Variants in NBAS observed in about 807,000 individuals in gnomAD.
NBAS encodes NAG/BC035112 fusion.
A neutral mutation model predicts 302.5 loss-of-function variants in NBAS; 219 were observed. The observed-to-expected ratio is 0.72, with a 90% CI of 0.65 to 0.81. The LOEUF (loss-of-function observed/expected upper bound fraction) is 0.81, where lower values mean the gene tolerates loss of function less well. NBAS is among the 30% of genes least tolerant of loss of function. The pLI is 0.00. For missense variants in NBAS, 2,932 were observed against 2,841.6 expected (o/e 1.03, Z -0.72); for synonymous variants, 1,118 against 1,021.6 (o/e 1.09, Z -1.80).
At chr2:15,443,158 C>A (rs1678527389) in intron 21 of NBAS, among the ~76,000 whole-genome samples, 2 of 152,076 alleles carry the variant, frequency 1.3e-5, no homozygotes, top group Admixed American at 1.3e-4. Flanking sequence ...TTTTACGAGG[C>A]CAGCATCATC....
chr2:14,852,393 CA>C, the NBAS span, among the ~76,000 whole-genome samples: 1 of 75,426 alleles, frequency 1.3e-5, no homozygotes, highest in Non-Finnish European at 2.4e-5. Context: ...AGGACCTCTT[CA>C]AGGAGAACTA....
the NBAS span, among the ~76,000 whole-genome samples, chr2:14,783,590 A>G: frequency 2.7e-5 from 4 of 149,946 alleles, no homozygotes; most frequent in South Asian, 2.1e-4. Context: ...TTGTCCTTGC[A>G]ATAGTTTACT....
chr2:15,520,851 A>T (rs1662635013), intron 9 of NBAS, among the ~76,000 whole-genome samples: 1 of 152,270 alleles, frequency 6.6e-6, no homozygotes. Flanking sequence ...CAAAGACATG[A>T]ATTTACCACT....
chr2:15,072,145 C>T, the NBAS span, among the ~76,000 whole-genome samples: 1 of 152,168 alleles, frequency 6.6e-6, no homozygotes, highest in Non-Finnish European at 1.5e-5. Flanking sequence ...GCAGATGAAA[C>T]CCCCTCTAGC....
the NBAS span, among the ~76,000 whole-genome samples, chr2:14,990,253 A>T: frequency 6.9e-6 from 1 of 144,300 alleles, no homozygotes; most frequent in Non-Finnish European, 1.5e-5. Flanking sequence ...TCCCTACTAA[A>T]ACTCCAAAAA....
At chr2:14,973,017 C>T in the NBAS span, among the ~76,000 whole-genome samples, 1 of 152,204 alleles carries the variant, frequency 6.6e-6, no homozygotes, top group African/African-American at 2.4e-5. Context: ...ACTGCCTTTT[C>T]CCACACCCTT....
At chr2:14,871,161 C>T in the NBAS span, among the ~76,000 whole-genome samples, 2 of 150,784 alleles carry the variant, frequency 1.3e-5, no homozygotes, top group East Asian at 3.9e-4. Flanking sequence ...TGAGGCAACA[C>T]CAAGAGGCCT....
At chr2:15,165,023 C>T (rs1663980383), downstream of NBAS, among the ~76,000 whole-genome samples, 1 of 152,192 alleles carries the variant, frequency 6.6e-6, no homozygotes, top group Admixed American at 6.5e-5. Flanking sequence ...GCCCTCTGGG[C>T]CTCAGTCTAC....
intron 33 of NBAS, 119 bp from the exon 34 acceptor site, chr2:15,353,829 T>C: frequency 8.7e-7 from 1 of 1,148,098 alleles, no homozygotes. Context: ...TCATAGTCAT[T>C]AGTGACACAT....
chr2:15,439,968 T>C (rs530701646), intron 21 of NBAS, among the ~76,000 whole-genome samples: 1 of 152,376 alleles, frequency 6.6e-6, no homozygotes, highest in East Asian at 1.9e-4. Flanking sequence ...GCAACCGCCA[T>C]TGCCCAGACT....
At chr2:15,477,031 A>G (rs1680223108) in intron 13 of NBAS, among the ~76,000 whole-genome samples, 1 of 152,188 alleles carries the variant, frequency 6.6e-6, no homozygotes, top group Non-Finnish European at 1.5e-5. Context: ...AGAAATTTCA[A>G]GAAAATGTGA....
intron 44 of NBAS, among the ~76,000 whole-genome samples, chr2:15,257,498 T>C (rs1668656196): frequency 6.6e-6 from 1 of 151,572 alleles, no homozygotes; most frequent in African/African-American, 2.4e-5. Context: ...ATTCGAGAGA[T>C]TCTCCTGCCT....
intron 49 of NBAS, among the ~76,000 whole-genome samples, chr2:15,189,853 T>A (rs1442129167): frequency 6.6e-6 from 1 of 152,188 alleles, no homozygotes. Flanking sequence ...GTGTGTTGTG[T>A]GAGTGACTGA....
intron 43 of NBAS, 83 bp downstream of exon 43, chr2:15,276,768 G>GC: frequency 2.5e-6 from 4 of 1,597,342 alleles, no homozygotes; most frequent in Non-Finnish European, 3.4e-6. Flanking sequence ...CAACCATAAT[G>GC]CATGAACAGG....
At chr2:15,004,717 C>T in the NBAS span, among the ~76,000 whole-genome samples, 12 of 138,172 alleles carry the variant, frequency 8.7e-5, no homozygotes, top group African/African-American at 3.1e-4. Flanking sequence ...CAATGTTGCT[C>T]AAGCTAGCCT....
At chr2:15,202,474 A>G (rs1348860231) in intron 48 of NBAS, among the ~76,000 whole-genome samples, 6 of 151,502 alleles carry the variant, frequency 4.0e-5, no homozygotes, top group Non-Finnish European at 5.9e-5. Context: ...ACAAATAATC[A>G]ATCATATAGT....
In NBAS at chr2:15,446,076, G is replaced by C. The variant is rs868664009; in HGVS notation, c.2339+15125C>G. 7.9e-5 allele frequency among the ~76,000 whole-genome samples: 12 copies of C among 151,098 alleles called. No homozygotes were observed. In the Middle Eastern group the frequency reaches 0.01, roughly 129 times the overall value. On this transcript the variant is annotated intron_variant, in intron 21 of 51. Transcript: ENST00000281513. ...TCACATGGTCAACATACATATAATA[G>C]GAGTCCCAGAAAAAAAAAAGTGTGT... is the stretch of plus-strand genomic sequence containing the variant.
In NBAS at chr2:15,238,537, C is replaced by T. The variant is rs1456235270; in HGVS notation, c.5874G>A (p.Leu1958=). ...KVTYADTLNH[L]EKSLAHLETL... ...TTTCCAGGTGGGCAAGTGATTTCTCCAGATGATTCAAAGTATCTGCATAGG... is the reference window on the plus strand; with the variant it reads ...TTTCCAGGTGGGCAAGTGATTTCTCTAGATGATTCAAAGTATCTGCATAGG... Residue 1958 remains leucine, a synonymous_variant, in exon 45 of 52, where the codon CTG becomes CTA. Transcript: ENST00000281513. The T allele has an allele frequency of 6.2e-7, 1 of 1,614,136 alleles. No homozygotes were observed. Among genetic ancestry groups the T allele is most frequent in the Non-Finnish European group, 8.5e-7 (1 of 1,180,034 alleles).
the NBAS span, among the ~76,000 whole-genome samples, chr2:14,976,259 A>G: frequency 6.6e-6 from 1 of 152,202 alleles, no homozygotes; most frequent in Admixed American, 6.5e-5. Flanking sequence ...TGAGCCGAGG[A>G]GACTGAGATA....
Sources: gnomAD v4.1 joint callset for allele counts (sites outside exome capture counted in the v4.1 genomes callset) on GRCh38, gnomAD v4.1.1 for gene constraint, MANE v1.5 for transcripts, NCBI Gene and HGNC (gene_info 2026-07-23, HGNC 2026-07-21) for gene names.